Variants in NSMCE2 observed in about 807,000 individuals in gnomAD.
The protein encoded by NSMCE2 is E3 SUMO-protein ligase NSE2.
Under a neutral mutation model 23.8 loss-of-function variants are expected in NSMCE2, and 24 were observed. The observed-to-expected ratio is 1.01, with a 90% CI of 0.73 to 1.42. The LOEUF is 1.42. Ranked by LOEUF, NSMCE2 falls within the 40% of genes most tolerant of loss-of-function variation. NSMCE2 has a pLI of 0.00. For synonymous variants in NSMCE2, 92 were observed against 94.1 expected (o/e 0.98, Z 0.13); for missense variants, 284 against 296.5 (o/e 0.96, Z 0.31).
Position 125,324,893 on chromosome 8 carries a change from A to G in NSMCE2, c.419-32326A>G, listed in dbSNP as rs1055003971. On this transcript the variant is annotated intron_variant, in intron 5 of 7. Coordinates refer to ENST00000287437, the MANE Select transcript of NSMCE2 (RefSeq NM_173685.4). ...CCGGCCCATTTTGATAAAATTCTTT[A>G]TGATGCAAATTGATGTAAGGCATCA... is the stretch of plus-strand genomic sequence containing the variant. Among the ~76,000 whole-genome samples the G allele has an allele frequency of 2.6e-5, 4 of 151,512 alleles. No individual in the cohort carries two copies. The East Asian group carries it at 5.9e-4, about 22-fold the overall frequency.
intron 5 of NSMCE2, among the ~76,000 whole-genome samples, chr8:125,192,531 A>C (rs928931430): frequency 1.1e-4 from 16 of 152,180 alleles, no homozygotes; most frequent in African/African-American, 3.6e-4. Context: ...GGTAGCAAAT[A>C]GGGAAAAAAC....
chr8:125,110,604 G>A (rs922855767), intron 3 of NSMCE2, among the ~76,000 whole-genome samples: 1 of 152,122 alleles, frequency 6.6e-6, no homozygotes, highest in Non-Finnish European at 1.5e-5. Flanking sequence ...CACAAAGTTA[G>A]TAAATGTTTG....
At chr8:125,341,291 A>G (rs1288482101) in intron 5 of NSMCE2, among the ~76,000 whole-genome samples, 1 of 152,178 alleles carries the variant, frequency 6.6e-6, no homozygotes, top group Non-Finnish European at 1.5e-5. Flanking sequence ...CATCATCTTC[A>G]TTATGGGGTG....
At chr8:125,189,167 C>T (rs114201447) in intron 5 of NSMCE2, among the ~76,000 whole-genome samples, 3 of 152,274 alleles carry the variant, frequency 2.0e-5, no homozygotes, top group African/African-American at 7.2e-5. Flanking sequence ...GACAAAGGAC[C>T]TCTCAGCAAG....
chr8:125,298,574 C>T (rs1299411182), intron 5 of NSMCE2, among the ~76,000 whole-genome samples: 1 of 151,344 alleles, frequency 6.6e-6, no homozygotes, highest in East Asian at 1.9e-4. Context: ...ACCATCTCCA[C>T]TTTTGTTTCC....
intron 7 of NSMCE2, among the ~76,000 whole-genome samples, chr8:125,364,613 G>A (rs1436089552): frequency 6.6e-6 from 1 of 152,222 alleles, no homozygotes; most frequent in East Asian, 1.9e-4. Flanking sequence ...GTCAATTAAT[G>A]CATGAATGGG....
At chr8:125,208,203 A>G (rs1282301295) in intron 5 of NSMCE2, among the ~76,000 whole-genome samples, 1 of 152,202 alleles carries the variant, frequency 6.6e-6, no homozygotes, top group Admixed American at 6.5e-5. Flanking sequence ...ATTTGAAGTA[A>G]TCTCACTCTT....
intron 5 of NSMCE2, among the ~76,000 whole-genome samples, chr8:125,324,572 C>CTTTTTTTT (rs1189623667): frequency 1.7e-5 from 1 of 59,316 alleles, no homozygotes; most frequent in African/African-American, 5.3e-5. Flanking sequence ...TGATAAAATT[C>CTTTTTTTT]TTTTTTTTTT....
At chr8:125,149,192 C>A (rs1044643010) in intron 3 of NSMCE2, among the ~76,000 whole-genome samples, 1 of 152,106 alleles carries the variant, frequency 6.6e-6, no homozygotes, top group Non-Finnish European at 1.5e-5. Flanking sequence ...CCTCCCCTGA[C>A]CCCCTAACTT....
chr8:125,163,179 C>A (rs1301176600), intron 4 of NSMCE2, among the ~76,000 whole-genome samples: 1 of 151,922 alleles, frequency 6.6e-6, no homozygotes, highest in Non-Finnish European at 1.5e-5. Flanking sequence ...CCAGCCTGGG[C>A]AACACGGAAA....
At chr8:125,275,140 A>G (rs1827399669) in intron 5 of NSMCE2, among the ~76,000 whole-genome samples, 1 of 151,700 alleles carries the variant, frequency 6.6e-6, no homozygotes, top group Admixed American at 6.6e-5. Context: ...GCTGATATCA[A>G]GGCCCCTAAA....
Position 125,326,816 on chromosome 8 carries a change from C to T in NSMCE2, c.419-30403C>T, listed in dbSNP as rs111518702. Among the ~76,000 whole-genome samples the T allele has an allele frequency of 7.4e-3, 1,116 of 151,188 alleles. 12 individuals are homozygous for T. Among genetic ancestry groups the T allele is most frequent in the African/African-American group, 0.026 (1,079 of 41,170 alleles). ...ACTAAAAACACAAAAATTAGCCGGTCGTGGTGGCGGGCACTTGTAATCCCA... is the reference window on the plus strand; with the variant it reads ...ACTAAAAACACAAAAATTAGCCGGTTGTGGTGGCGGGCACTTGTAATCCCA... On this transcript the variant is annotated intron_variant, in intron 5 of 7. Transcript: ENST00000287437.
chr8:125,267,118 C>T (rs763069402), intron 5 of NSMCE2, among the ~76,000 whole-genome samples: 2 of 146,094 alleles, frequency 1.4e-5, no homozygotes, highest in Non-Finnish European at 1.5e-5. Context: ...AATTCTCTTG[C>T]CTCAGCCTCC....
intron 4 of NSMCE2, among the ~76,000 whole-genome samples, chr8:125,169,773 T>G (rs1280368692): frequency 1.3e-5 from 2 of 152,172 alleles, no homozygotes; most frequent in Non-Finnish European, 2.9e-5. Flanking sequence ...CCTTCTTCAG[T>G]TTTTCCTTGT....
intron 5 of NSMCE2, among the ~76,000 whole-genome samples, chr8:125,215,499 C>T (rs1350321206): frequency 6.6e-6 from 1 of 152,008 alleles, no homozygotes; most frequent in Non-Finnish European, 1.5e-5. Context: ...CTGCAATAAA[C>T]ATACGTGTGC....
At chr8:125,188,697 A>G (rs757061578) in intron 5 of NSMCE2, among the ~76,000 whole-genome samples, 5 of 152,104 alleles carry the variant, frequency 3.3e-5, no homozygotes, top group African/African-American at 7.2e-5. Flanking sequence ...ATTTACTGTT[A>G]ATTTGTGATG....
chr8:125,157,828 C>T (rs1264010241), intron 4 of NSMCE2, among the ~76,000 whole-genome samples: 1 of 152,034 alleles, frequency 6.6e-6, no homozygotes, highest in African/African-American at 2.4e-5. Flanking sequence ...CTTAATGTGC[C>T]TCTAGTGCAG....
chr8:125,117,628 A>C (rs2130472530), intron 3 of NSMCE2, among the ~76,000 whole-genome samples: 1 of 150,342 alleles, frequency 6.7e-6, no homozygotes, highest in East Asian at 2.0e-4. Flanking sequence ...GATTCTCCCA[A>C]CTCAGCCTCC....
intron 5 of NSMCE2, among the ~76,000 whole-genome samples, chr8:125,326,071 C>T (rs1829653281): frequency 6.6e-6 from 1 of 152,044 alleles, no homozygotes; most frequent in African/African-American, 2.4e-5. Flanking sequence ...TCCTGGATAA[C>T]ATGGTGAAAC....
Sources: allele counts gnomAD v4.1 joint callset (sites outside exome capture counted in the v4.1 genomes callset), GRCh38; gene constraint gnomAD v4.1.1; transcripts MANE v1.5; gene names NCBI Gene and HGNC (gene_info 2026-07-23, HGNC 2026-07-21).